The following CDKL1 variants were observed in gnomAD, a reference collection of about 807,000 sequenced individuals.
CDKL1 encodes the protein cyclin-dependent kinase-like 1.
CDKL1 carries 41 observed loss-of-function variants against 42.0 expected under a neutral mutation model. The observed-to-expected ratio is 0.98, with a 90% CI of 0.76 to 1.27. CDKL1 has a LOEUF of 1.27. Ranked by LOEUF, CDKL1 falls within the 50% of genes most tolerant of loss-of-function variation. The pLI, the probability that CDKL1 is intolerant of heterozygous loss-of-function variation, is 0.00. For missense variants in CDKL1, 394 were observed against 428.4 expected, an observed-to-expected ratio of 0.92 and a Z score of 0.71; for synonymous variants, 153 against 158.6, an observed-to-expected ratio of 0.96 and a Z score of 0.26.
At chr14:50,362,041 C>T (rs887232841) in intron 2 of CDKL1, 4 of 203,228 alleles carry the variant, frequency 2.0e-5, no homozygotes, top group South Asian at 1.6e-4. Flanking sequence ...GCCCACAAGC[C>T]CCGGGCAGTG....
At chr14:50,361,929 C>G (rs1269462992) in intron 2 of CDKL1, among the ~76,000 whole-genome samples, 1 of 152,252 alleles carries the variant, frequency 6.6e-6, no homozygotes, top group African/African-American at 2.4e-5. Flanking sequence ...GGAGCCGGCT[C>G]CCTCAGCTTG....
intron 2 of CDKL1, among the ~76,000 whole-genome samples, chr14:50,381,974 C>T (rs999556282): frequency 1.3e-5 from 2 of 151,786 alleles, no homozygotes; most frequent in South Asian, 2.1e-4. Flanking sequence ...ATTCCAGCAA[C>T]GACAAAAAAA....
intron 8 of CDKL1, chr14:50,332,656 C>T: frequency 6.5e-7 from 1 of 1,530,432 alleles, no homozygotes; most frequent in Non-Finnish European, 8.7e-7. Context: ...TCATTTTCTC[C>T]ACCTTATTCT....
intron 2 of CDKL1, among the ~76,000 whole-genome samples, chr14:50,381,955 C>T (rs916853054): frequency 1.1e-4 from 17 of 152,050 alleles, no homozygotes; most frequent in African/African-American, 3.9e-4. Flanking sequence ...AAATTCTTAA[C>T]CTTTCATTAT....
At chr14:50,375,661 G>A (rs2034708205) in intron 2 of CDKL1, among the ~76,000 whole-genome samples, 1 of 152,166 alleles carries the variant, frequency 6.6e-6, no homozygotes, top group Non-Finnish European at 1.5e-5. Context: ...GCCGGGTGTG[G>A]TGGCAGGCAC....
chr14:50,366,636 T>C (rs966245844), intron 2 of CDKL1, among the ~76,000 whole-genome samples: 1 of 152,200 alleles, frequency 6.6e-6, no homozygotes, highest in African/African-American at 2.4e-5. Context: ...TGGCTGTTGA[T>C]AGCTGACATT....
At chr14:50,332,542 G>A (rs1406978988) in intron 8 of CDKL1, 110 bp from the exon 9 acceptor site, 2 of 1,487,370 alleles carry the variant, frequency 1.3e-6, no homozygotes, top group Admixed American at 2.4e-5. Context: ...TAAGAAGGGG[G>A]AAAAGGCAGG....
chr14:50,395,955 C>G lies in CDKL1; in HGVS notation c.-87G>C. Reference sequence around the variant, plus strand: ...ATCCCAGCACTTTGGGAGGCTGAGGCGGGCAGATCACCTGAGGTCAGGAGT... The same window carrying G: ...ATCCCAGCACTTTGGGAGGCTGAGGGGGGCAGATCACCTGAGGTCAGGAGT... On this transcript the variant is annotated 5_prime_UTR_variant, in exon 2 of 10. Coordinates refer to ENST00000395834, the MANE Select transcript of CDKL1 (RefSeq NM_004196.7). 8.0e-7 allele frequency: 1 copy of G among 1,256,030 alleles called. No individual in the cohort carries two copies. Among genetic ancestry groups the G allele is most frequent in the Non-Finnish European group, 1.1e-6 (1 of 870,128 alleles). The allele number at this position is 1,256,030 out of a possible 1,614,324, so 77.8% of individuals were successfully genotyped here. A position where few individuals can be genotyped will look rare whatever the true frequency, so the allele number is the denominator to read the frequency against.
intron 2 of CDKL1, among the ~76,000 whole-genome samples, chr14:50,369,113 C>T (rs907616710): frequency 6.6e-6 from 1 of 152,032 alleles, no homozygotes; most frequent in Non-Finnish European, 1.5e-5. Context: ...GTTATCTGCC[C>T]ACCTCGGCCT....
chr14:50,347,098 C>T (rs189867811), intron 3 of CDKL1, among the ~76,000 whole-genome samples: 5 of 152,326 alleles, frequency 3.3e-5, no homozygotes, highest in African/African-American at 9.6e-5. Context: ...CACAGCTAAT[C>T]CCCAGAATTA....
intron 2 of CDKL1, among the ~76,000 whole-genome samples, chr14:50,388,548 T>A (rs1340724762): frequency 6.6e-6 from 1 of 152,208 alleles, no homozygotes; most frequent in Non-Finnish European, 1.5e-5. Flanking sequence ...TATGTTAAAA[T>A]CCCACCTTCT....
chr14:50,358,494 A>G (rs1315675178), intron 3 of CDKL1, among the ~76,000 whole-genome samples: 1 of 151,214 alleles, frequency 6.6e-6, no homozygotes, highest in Non-Finnish European at 1.5e-5. Context: ...AAAGAAATCA[A>G]GTTCAATCTA....
upstream of CDKL1, chr14:50,396,970 AC>A: frequency 1.5e-6 from 1 of 680,306 alleles, no homozygotes; most frequent in Non-Finnish European, 2.0e-6. Context: ...CCAGCTTCCC[AC>A]CCCCGGCCCG....
intron 4 of CDKL1, chr14:50,343,189 T>C: frequency 2.6e-6 from 1 of 388,470 alleles, no homozygotes; most frequent in Non-Finnish European, 4.0e-6. Flanking sequence ...TGGGTCAAAA[T>C]ACTGCTCAGG....
intron 7 of CDKL1, among the ~76,000 whole-genome samples, chr14:50,338,662 C>G (rs2033396285): frequency 6.6e-6 from 1 of 152,154 alleles, no homozygotes; most frequent in South Asian, 2.1e-4. Context: ...AGTTGGTTGG[C>G]TCTAAGCTAC....
chr14:50,331,943 A>G (rs2032965941), intron 9 of CDKL1: 9 of 1,225,848 alleles, frequency 7.3e-6, no homozygotes, highest in South Asian at 4.7e-5. Context: ...GGAAAATCTG[A>G]TTTCATTTTC....
chr14:50,397,171 GC>G (rs1207990371), upstream of CDKL1: 1 of 1,366,530 alleles, frequency 7.3e-7, no homozygotes, highest in Non-Finnish European at 9.8e-7. Flanking sequence ...TGCGCTAGGA[GC>G]CCCTCCTGAG....
At chr14:50,395,620 T>C (rs2035373741) in intron 2 of CDKL1, 81 bp downstream of exon 2, 1 of 950,466 alleles carries the variant, frequency 1.1e-6, no homozygotes, top group East Asian at 2.4e-5. Flanking sequence ...TGAGCTATGA[T>C]CACATGGCTG....
intron 2 of CDKL1, among the ~76,000 whole-genome samples, chr14:50,373,585 G>A (rs776797681): frequency 6.6e-5 from 10 of 151,864 alleles, no homozygotes; most frequent in Non-Finnish European, 1.5e-4. Flanking sequence ...AAAACCAAAC[G>A]GACCAAAAAA....
Sources: gnomAD v4.1 joint callset for allele counts (sites outside exome capture counted in the v4.1 genomes callset) on GRCh38, gnomAD v4.1.1 for gene constraint, MANE v1.5 for transcripts, NCBI Gene and HGNC (gene_info 2026-07-23, HGNC 2026-07-21) for gene names.